The following MOCOS variants were observed in gnomAD, a reference collection of about 807,000 sequenced individuals.
MOCOS encodes the protein molybdenum cofactor sulfurase.
A neutral mutation model predicts 83.6 loss-of-function variants in MOCOS; 86 were observed. The observed-to-expected ratio is 1.03, with a 90% CI of 0.86 to 1.23. MOCOS has a LOEUF of 1.23. Ranked by LOEUF, MOCOS falls within the 50% of genes most tolerant of loss-of-function variation. MOCOS has a pLI of 0.00. For missense variants in MOCOS, 1,120 were observed against 1,126.9 expected, an observed-to-expected ratio of 0.99 and a Z score of 0.09; for synonymous variants, 445 against 434.7, an observed-to-expected ratio of 1.02 and a Z score of -0.29.
chr18:36,263,436 T>C (rs745442966), intron 13 of MOCOS, among the ~76,000 whole-genome samples: 34 of 152,170 alleles, frequency 2.2e-4, no homozygotes, highest in African/African-American at 3.9e-4. Context: ...ATTGTGAAAA[T>C]TGCAAAATGC....
At position 36,220,099 on chromosome 18, in the gene MOCOS, G is replaced by C. The variant is rs777598278; in HGVS notation, c.1842G>C (p.Arg614=). Residue 614 remains arginine (R), a synonymous_variant, in exon 9 of 15, where the codon CGG becomes CGC. Coordinates refer to ENST00000261326, the MANE Select transcript of MOCOS (RefSeq NM_017947.4). ...GAAACCAAGGGCTGCTATATGACCGGAGCTGGATGGTTGTGAATCACAATG... is the reference window on the plus strand; with the variant it reads ...GAAACCAAGGGCTGCTATATGACCGCAGCTGGATGGTTGTGAATCACAATG... ...PVGNQGLLYD[R]SWMVVNHNGV... The C allele has an allele frequency of 6.2e-7, 1 of 1,613,868 alleles. No homozygotes were observed. The highest frequency in any genetic ancestry group is 8.5e-7 in the Non-Finnish European group (1 of 1,180,030).
At chr18:36,260,215 G>A (rs766914834) in intron 13 of MOCOS, 40 bp downstream of exon 13, 26 of 1,613,586 alleles carry the variant, frequency 1.6e-5, no homozygotes, top group Non-Finnish European at 2.2e-5. Context: ...CTCCAGGGTT[G>A]TCAATGAAGA....
In MOCOS at chr18:36,257,325, C is replaced by A. The variant is rs114669244; in HGVS notation, c.2270+252C>A. ...CCTCAAGATGGTTAATGGAGAACCCCTAGCTCTCACTGTTTAATCATTCAA... is the reference window on the plus strand; with the variant it reads ...CCTCAAGATGGTTAATGGAGAACCCATAGCTCTCACTGTTTAATCATTCAA... On this transcript the variant is annotated intron_variant, in intron 12 of 14. Transcript: ENST00000261326. 6.4e-3 allele frequency among the ~76,000 whole-genome samples: 974 copies of A among 152,264 alleles called. 16 individuals carry two copies. The highest frequency in any genetic ancestry group is 0.022 in the African/African-American group (919 of 41,538).
Position 36,240,994 on chromosome 18 carries a change from G to A in MOCOS, c.1961-7928G>A, listed in dbSNP as rs376047337. Among the ~76,000 whole-genome samples the A allele has an allele frequency of 3.7e-3, 555 of 151,824 alleles. 5 individuals carry two copies. Among genetic ancestry groups the A allele is most frequent in the South Asian group, 0.026 (124 of 4,816 alleles). ...GCAATGCCTCGCCCTGCTTCGGCTC[G>A]CGCACGGTGCGTGCACCCACTGACC... is the stretch of plus-strand genomic sequence containing the variant. On this transcript the variant is annotated intron_variant, in intron 9 of 14. Transcript: ENST00000261326.
At chr18:36,243,560 T>C (rs2091591847) in intron 9 of MOCOS, among the ~76,000 whole-genome samples, 1 of 150,764 alleles carries the variant, frequency 6.6e-6, no homozygotes, top group African/African-American at 2.5e-5. Context: ...CAGGGATATT[T>C]GTCTGTAGTT....
chr18:36,263,242 T>C (rs748887769), intron 13 of MOCOS, among the ~76,000 whole-genome samples: 10 of 152,246 alleles, frequency 6.6e-5, no homozygotes, highest in Non-Finnish European at 1.5e-4. Flanking sequence ...TATTTTTTAT[T>C]CCTGTTGACC....
chr18:36,202,190 C>T (rs2144903493), intron 4 of MOCOS, among the ~76,000 whole-genome samples: 1 of 152,286 alleles, frequency 6.6e-6, no homozygotes, highest in South Asian at 2.1e-4. Flanking sequence ...GAATAAATAC[C>T]TTGACTATGT....
intron 8 of MOCOS, among the ~76,000 whole-genome samples, chr18:36,217,597 T>C (rs2091480263): frequency 6.6e-6 from 1 of 152,090 alleles, no homozygotes; most frequent in Admixed American, 6.5e-5. Flanking sequence ...ATGCTATCAC[T>C]TGCTGGTGCT....
chr18:36,254,501 TAGAGAGAG>T (rs57765304), intron 11 of MOCOS, among the ~76,000 whole-genome samples: 1 of 144,650 alleles, frequency 6.9e-6, no homozygotes, highest in Admixed American at 6.9e-5. Flanking sequence ...TGTGTGTGTA[TAGAGAGAG>T]AGAGAGCGAG....
chr18:36,208,245 T>C (rs542691675), intron 6 of MOCOS, among the ~76,000 whole-genome samples: 15 of 152,250 alleles, frequency 9.9e-5, no homozygotes, highest in Non-Finnish European at 1.2e-4. Flanking sequence ...TTCAGCTTTA[T>C]TCTTTTTGCT....
intron 9 of MOCOS, among the ~76,000 whole-genome samples, chr18:36,229,182 G>A (rs544879481): frequency 6.6e-6 from 1 of 151,962 alleles, no homozygotes; most frequent in Non-Finnish European, 1.5e-5. Flanking sequence ...CTATTGTGTT[G>A]TTGTTTAGTG....
chr18:36,240,420 G>T (rs1275596282), intron 9 of MOCOS, among the ~76,000 whole-genome samples: 3 of 150,598 alleles, frequency 2.0e-5, no homozygotes, highest in South Asian at 2.1e-4. Context: ...TGCCCCTGCT[G>T]GGGGGTGCCT....
chr18:36,198,303 C>G (rs942233229), intron 2 of MOCOS, among the ~76,000 whole-genome samples: 1 of 152,016 alleles, frequency 6.6e-6, no homozygotes, highest in Admixed American at 6.6e-5. Flanking sequence ...ATGGGAGGAT[C>G]GCTTGAGCCC....
chr18:36,212,992 T>C (rs1333968773), intron 6 of MOCOS, among the ~76,000 whole-genome samples: 1 of 152,168 alleles, frequency 6.6e-6, no homozygotes, highest in African/African-American at 2.4e-5. Context: ...TGGGAACTTC[T>C]GGACTGAAAA....
At chr18:36,214,269 A>AAAAAAAAAG (rs2091467443) in intron 7 of MOCOS, among the ~76,000 whole-genome samples, 2 of 8,846 alleles carry the variant, frequency 2.3e-4, no homozygotes, top group Non-Finnish European at 1.4e-3. Flanking sequence ...AAAAGAAAAG[A>AAAAAAAAAG]AAAAAAAGAA....
chr18:36,197,874 A>G (rs2091395860), intron 2 of MOCOS, among the ~76,000 whole-genome samples: 2 of 152,204 alleles, frequency 1.3e-5, no homozygotes, highest in African/African-American at 4.8e-5. Context: ...CATTCCCCTG[A>G]AAAGATCCTT....
rs2091472874 is a variant in MOCOS at position 36,215,594 on chromosome 18, A to T, written c.1414A>T (p.Met472Leu). Residue 472 changes from methionine (M) to leucine (L), a missense_variant, in exon 8 of 15, where the codon ATG becomes TTG. Met to Leu is a conservative substitution (Grantham distance 15). Transcript: ENST00000261326. Reference protein sequence around the residue: ...TGSVRISFGYMSTLDDVQAFL... With the variant: ...TGSVRISFGYLSTLDDVQAFL... ...ATCTGTGAGGATTTCATTTGGATAC[A>T]TGTCGACGCTGGATGATGTCCAGGC... is the stretch of plus-strand genomic sequence containing the variant. 8.1e-6 allele frequency: 13 copies of T among 1,614,188 alleles called. No homozygotes were observed. The highest frequency in any genetic ancestry group is 1.1e-5 in the Non-Finnish European group (13 of 1,180,032).
chr18:36,223,180 A>G (rs1176949347), intron 9 of MOCOS, among the ~76,000 whole-genome samples: 2 of 152,110 alleles, frequency 1.3e-5, no homozygotes, highest in East Asian at 3.9e-4. Context: ...CAATGTCATG[A>G]AGTTTTTCCC....
intron 9 of MOCOS, among the ~76,000 whole-genome samples, chr18:36,220,714 A>T (rs1316308160): frequency 1.3e-5 from 2 of 152,104 alleles, no homozygotes; most frequent in Non-Finnish European, 2.9e-5. Context: ...TGAGGTCAAA[A>T]GTTCGAGACC....
Sources: allele counts gnomAD v4.1 joint callset (sites outside exome capture counted in the v4.1 genomes callset), GRCh38; gene constraint gnomAD v4.1.1; transcripts MANE v1.5; gene names NCBI Gene and HGNC (gene_info 2026-07-23, HGNC 2026-07-21).